Variants in CEP112 observed in about 807,000 individuals in gnomAD.
CEP112 encodes centrosomal protein of 112 kDa.
In CEP112, 127 loss-of-function variants were observed where a neutral mutation model predicts 153.0. The observed-to-expected ratio is 0.83, with a 90% CI of 0.72 to 0.96. The LOEUF is 0.96. Among genes scored for constraint, CEP112 ranks in the 40% least tolerant of loss-of-function variants. CEP112 has a pLI of 0.00. For synonymous variants in CEP112, 358 were observed against 374.4 expected, an observed-to-expected ratio of 0.96 and a Z score of 0.51; for missense variants, 1,089 against 1,101.2, an observed-to-expected ratio of 0.99 and a Z score of 0.16.
intron 21 of CEP112, among the ~76,000 whole-genome samples, chr17:65,779,864 T>G (rs1443744869): frequency 6.6e-6 from 1 of 152,118 alleles, no homozygotes; most frequent in East Asian, 1.9e-4. Context: ...TTACTAATAC[T>G]TAACAAAAGC....
chr17:65,679,709 TTGA>T (rs1202382642), intron 24 of CEP112, among the ~76,000 whole-genome samples: 1 of 152,226 alleles, frequency 6.6e-6, no homozygotes, highest in Non-Finnish European at 1.5e-5. Flanking sequence ...TTGGTTACCC[TTGA>T]TGATGACTGA....
intron 12 of CEP112, among the ~76,000 whole-genome samples, chr17:66,031,597 T>C (rs2065488642): frequency 6.6e-6 from 1 of 151,156 alleles, no homozygotes; most frequent in African/African-American, 2.4e-5. Context: ...CAGCTGAGAC[T>C]ACAGGTACAT....
At chr17:65,847,030 G>A (rs1390101501) in intron 21 of CEP112, among the ~76,000 whole-genome samples, 1 of 152,184 alleles carries the variant, frequency 6.6e-6, no homozygotes, top group East Asian at 1.9e-4. Flanking sequence ...CTCGATGTGA[G>A]CACAGCATTT....
chr17:65,803,674 C>A (rs759863399), intron 21 of CEP112, among the ~76,000 whole-genome samples: 30 of 152,256 alleles, frequency 2.0e-4, no homozygotes, highest in Admixed American at 3.9e-4. Flanking sequence ...TTACTCCCTC[C>A]CAATAGATAA....
At chr17:65,691,429 C>G (rs926389624) in intron 23 of CEP112, among the ~76,000 whole-genome samples, 3 of 152,294 alleles carry the variant, frequency 2.0e-5, no homozygotes, top group Admixed American at 2.0e-4. Context: ...GATTTTGCCT[C>G]TCACTGTAGG....
intron 12 of CEP112, among the ~76,000 whole-genome samples, chr17:66,035,009 T>TA (rs1182260599): frequency 5.1e-4 from 31 of 61,316 alleles, no homozygotes; most frequent in South Asian, 2.5e-3. Flanking sequence ...TATATATATA[T>TA]TTTTTTTTTT....
chr17:65,721,335 G>A (rs766937522), intron 23 of CEP112, among the ~76,000 whole-genome samples: 2 of 151,958 alleles, frequency 1.3e-5, no homozygotes, highest in East Asian at 1.9e-4. Flanking sequence ...TCTCTTTAAC[G>A]CAACACATGG....
rs149237989 is a variant in CEP112 at position 65,722,863 on chromosome 17, G to A, written c.2607+20205C>T. ...GACAAGTCTGATATTTGAAGTGATC[G>A]GAGCTCAGGATCAGTCTTCGTGAAA... On this transcript the variant is annotated intron_variant, in intron 23 of 26. Transcript: ENST00000535342. 1.3e-4 allele frequency among the ~76,000 whole-genome samples: 20 copies of A among 152,308 alleles called. No individual in the cohort carries two copies. The East Asian group carries it at 3.5e-3, about 26-fold the overall frequency.
intron 1 of CEP112, among the ~76,000 whole-genome samples, chr17:66,186,572 A>C (rs2072946575): frequency 6.6e-6 from 1 of 152,136 alleles, no homozygotes; most frequent in African/African-American, 2.4e-5. Context: ...TACAGGCATG[A>C]GCCACCATGC....
At chr17:65,890,324 ACG>A (rs2059419530) in intron 20 of CEP112, among the ~76,000 whole-genome samples, 1 of 152,228 alleles carries the variant, frequency 6.6e-6, no homozygotes, top group South Asian at 2.1e-4. Context: ...TCAACATGGT[ACG>A]TGTTCTTCAT....
chr17:65,884,706 C>CTTT (rs11370374), intron 20 of CEP112, among the ~76,000 whole-genome samples: 20 of 130,622 alleles, frequency 1.5e-4, no homozygotes, highest in Non-Finnish European at 2.0e-4. Context: ...TTTGTAGTTT[C>CTTT]TTTTTTTTTT....
intron 17 of CEP112, among the ~76,000 whole-genome samples, chr17:65,966,408 TC>T (rs1470170089): frequency 2.0e-5 from 3 of 152,202 alleles, no homozygotes; most frequent in African/African-American, 7.2e-5. Context: ...ACATTTCTGT[TC>T]CAGTACATTT....
At chr17:66,066,000 A>G (rs1301431540) in intron 10 of CEP112, among the ~76,000 whole-genome samples, 1 of 152,178 alleles carries the variant, frequency 6.6e-6, no homozygotes, top group African/African-American at 2.4e-5. Context: ...CCTACAACTT[A>G]CCTATTTCAG....
At chr17:65,939,003 G>A (rs1037837368) in intron 18 of CEP112, among the ~76,000 whole-genome samples, 1 of 151,830 alleles carries the variant, frequency 6.6e-6, no homozygotes, top group South Asian at 2.1e-4. Flanking sequence ...GTAGAGATGG[G>A]GTTTGACCAT....
intron 22 of CEP112, among the ~76,000 whole-genome samples, chr17:65,749,435 G>A (rs549215003): frequency 3.9e-5 from 6 of 152,194 alleles, no homozygotes; most frequent in Admixed American, 3.9e-4. Flanking sequence ...GTGAATCAGG[G>A]AGGTGGAGCT....
intron 4 of CEP112, among the ~76,000 whole-genome samples, chr17:66,171,567 T>C (rs907841567): frequency 6.6e-6 from 1 of 152,100 alleles, no homozygotes; most frequent in African/African-American, 2.4e-5. Context: ...AAGGAGGAAA[T>C]TTAGAAAAGA....
intron 21 of CEP112, among the ~76,000 whole-genome samples, chr17:65,809,246 T>C (rs1251005027): frequency 1.3e-5 from 2 of 152,116 alleles, no homozygotes; most frequent in African/African-American, 4.8e-5. Context: ...GCTGGATCCA[T>C]GTAACTGAGG....
chr17:65,674,311 G>C (rs2047121380), intron 24 of CEP112, among the ~76,000 whole-genome samples: 1 of 152,312 alleles, frequency 6.6e-6, no homozygotes, highest in Non-Finnish European at 1.5e-5. Flanking sequence ...TCCCAGGTCT[G>C]TTTCAAAATG....
At chr17:66,068,701 A>T (rs974428732) in intron 9 of CEP112, among the ~76,000 whole-genome samples, 1 of 152,156 alleles carries the variant, frequency 6.6e-6, no homozygotes, top group African/African-American at 2.4e-5. Flanking sequence ...TGCTGGAAAG[A>T]ATTTTATTAT....
Sources: allele counts gnomAD v4.1 joint callset (sites outside exome capture counted in the v4.1 genomes callset), GRCh38; gene constraint gnomAD v4.1.1; transcripts MANE v1.5; gene names NCBI Gene and HGNC (gene_info 2026-07-23, HGNC 2026-07-21).